The following MCM10 variants were observed in gnomAD, a reference collection of about 807,000 sequenced individuals.
MCM10 encodes minichromosome maintenance 10 replication initiation factor, also known as protein MCM10 homolog.
A neutral mutation model predicts 109.9 loss-of-function variants in MCM10; 91 were observed. The ratio of observed to expected loss-of-function variants is 0.83; its 90% CI spans 0.70 to 0.99. The LOEUF is 0.99. MCM10 is among the 50% of genes least tolerant of loss of function. MCM10 has a pLI of 0.00. For missense variants in MCM10, 1,077 were observed against 1,061.2 expected, an observed-to-expected ratio of 1.01 and a Z score of -0.21; for synonymous variants, 380 against 387.2, an observed-to-expected ratio of 0.98 and a Z score of 0.22.
At chr10:13,171,857 C>T (rs892731231) in intron 3 of MCM10, among the ~76,000 whole-genome samples, 5 of 152,016 alleles carry the variant, frequency 3.3e-5, no homozygotes, top group African/African-American at 9.7e-5. Flanking sequence ...CTCCACCTCC[C>T]AGGCTCAAGT....
intron 6 of MCM10, among the ~76,000 whole-genome samples, chr10:13,179,834 A>G (rs1834187132): frequency 6.6e-6 from 1 of 152,230 alleles, no homozygotes; most frequent in Non-Finnish European, 1.5e-5. Context: ...TAATAAAGTA[A>G]AAAAGATTGT....
chr10:13,203,393 G>C (rs1463106519), intron 17 of MCM10, among the ~76,000 whole-genome samples: 1 of 151,932 alleles, frequency 6.6e-6, no homozygotes, highest in Non-Finnish European at 1.5e-5. Flanking sequence ...GATTCCATTG[G>C]GCCCACCCAG....
intron 6 of MCM10, among the ~76,000 whole-genome samples, chr10:13,177,461 T>C (rs1437266356): frequency 1.3e-5 from 2 of 152,006 alleles, no homozygotes; most frequent in Non-Finnish European, 2.9e-5. Flanking sequence ...TGCTGCAGTA[T>C]TTCCTTTGAG....
intron 7 of MCM10, among the ~76,000 whole-genome samples, chr10:13,181,155 G>C (rs977310067): frequency 7.2e-5 from 11 of 152,266 alleles, no homozygotes; most frequent in Admixed American, 3.3e-4. Flanking sequence ...TCTAAGCCTT[G>C]TGCCTTTAAC....
chr10:13,172,434 A>G lies in MCM10; in HGVS notation c.408A>G (p.Thr136=). 1 of 1,614,202 alleles carries G rather than the reference A, an allele frequency of 6.2e-7. No homozygotes were observed. Among genetic ancestry groups the G allele is most frequent in the Non-Finnish European group, 8.5e-7 (1 of 1,180,034 alleles). The part of the protein sequence containing the change: ...MKALQEQLKV[T]TIKQTASPAR... Reference sequence around the variant, plus strand: ...CCTTACAAGAGCAGCTAAAAGTAACAACAATTAAACAGACAGCAAGCCCAG... The same window carrying G: ...CCTTACAAGAGCAGCTAAAAGTAACGACAATTAAACAGACAGCAAGCCCAG... The change falls in exon 4 of 20, where the codon ACA becomes ACG. Residue 136 remains threonine (T), a synonymous_variant. Coordinates refer to ENST00000378714, the MANE Select transcript of MCM10 (RefSeq NM_018518.5). The surrounding 1 kb of genome is among the most constrained non-coding windows in gnomAD (Gnocchi z 5.2).
chr10:13,175,552 A>T lies in MCM10; in HGVS notation c.635A>T (p.Gln212Leu). ...TCAAGGATGACAAGTGCACCCTCCCAACCCCTACAGACGATTTCTCGGAAC... is the reference window on the plus strand; with the variant it reads ...TCAAGGATGACAAGTGCACCCTCCCTACCCCTACAGACGATTTCTCGGAAC... ...SSSRMTSAPSQPLQTISRNKP... is the reference protein window; with the variant it reads ...SSSRMTSAPSLPLQTISRNKP... Residue 212 changes from glutamine (Q) to leucine (L), a missense_variant, in exon 6 of 20, where the codon CAA (glutamine) becomes CTA (leucine). Gln to Leu is a moderately radical substitution (Grantham distance 113, BLOSUM62 -2). Coordinates refer to ENST00000378714, the MANE Select transcript of MCM10 (RefSeq NM_018518.5). 6.2e-7 allele frequency: 1 copy of T among 1,614,110 alleles called. No homozygotes were observed. The highest frequency in any genetic ancestry group is 8.5e-7 in the Non-Finnish European group (1 of 1,179,974).
intron 6 of MCM10, among the ~76,000 whole-genome samples, chr10:13,179,680 A>G (rs1028372943): frequency 1.7e-4 from 26 of 152,216 alleles, no homozygotes; most frequent in Non-Finnish European, 3.4e-4. Context: ...GAATATATTA[A>G]TTGAAGCTAC....
At chr10:13,183,133 T>C in intron 8 of MCM10, 33 bp downstream of exon 8, 2 of 1,602,444 alleles carry the variant, frequency 1.2e-6, no homozygotes, top group African/African-American at 1.3e-5. Flanking sequence ...TGATTGATGA[T>C]TGTCTTTACA....
Position 13,192,198 on chromosome 10 carries a change from T to C in MCM10, c.1517-57T>C, listed in dbSNP as rs1198468663. The C allele has an allele frequency of 1.7e-5, 19 of 1,147,702 alleles. 1 individual carries two copies. The highest frequency in any genetic ancestry group is 1.0e-4 in the South Asian group (8 of 76,660). The allele number at this position is 1,147,702 out of a possible 1,614,324, so 71.1% of individuals were successfully genotyped here. On this transcript the variant is annotated intron_variant, in intron 11 of 19. Transcript: ENST00000378714. The stretch of plus-strand genomic sequence containing the variant: ...GCAGAGTTTAGAAAGTGGTATGTCA[T>C]ATGACCTCAAACCATCTGAATGTGA...
At chr10:13,186,488 A>G (rs919945129) in intron 9 of MCM10, among the ~76,000 whole-genome samples, 4 of 152,210 alleles carry the variant, frequency 2.6e-5, no homozygotes, top group Non-Finnish European at 5.9e-5. Flanking sequence ...ACCTCTTAGG[A>G]AAGTGATCTT....
intron 6 of MCM10, among the ~76,000 whole-genome samples, chr10:13,179,290 T>C (rs540959533): frequency 1.3e-5 from 2 of 152,328 alleles, no homozygotes; most frequent in East Asian, 3.9e-4. Flanking sequence ...TTCCCAGATA[T>C]GCTCCAGAAT....
rs1221029453 is a variant in MCM10 at position 13,172,226 on chromosome 10, A to G, written c.350-150A>G. 1 of 647,482 alleles carries G rather than the reference A, an allele frequency of 1.5e-6. No individual in the cohort carries two copies. The allele number at this position is 647,482 out of a possible 1,614,324, so 40.1% of individuals were successfully genotyped here. A position where few individuals can be genotyped will look rare whatever the true frequency, so the allele number is the denominator to read the frequency against. On this transcript the variant is annotated intron_variant, in intron 3 of 19. Transcript: ENST00000378714. The surrounding 1 kb of genome is among the most constrained non-coding windows in gnomAD (Gnocchi z 5.2). Reference sequence around the variant, plus strand: ...TCTAAGAGACCTCTTTGAAGTACCAAAGTTAATCATGAGCTTTGGGTATGT... The same window carrying G: ...TCTAAGAGACCTCTTTGAAGTACCAGAGTTAATCATGAGCTTTGGGTATGT...
intron 9 of MCM10, among the ~76,000 whole-genome samples, chr10:13,188,166 C>T (rs1307227243): frequency 6.6e-6 from 1 of 151,906 alleles, no homozygotes; most frequent in Non-Finnish European, 1.5e-5. Flanking sequence ...CCATTGTCGC[C>T]GTAACTACTG....
At chr10:13,178,175 C>T (rs1165301229) in intron 6 of MCM10, among the ~76,000 whole-genome samples, 1 of 152,178 alleles carries the variant, frequency 6.6e-6, no homozygotes, top group Non-Finnish European at 1.5e-5. Context: ...CTCACTGCAA[C>T]CTCTGCCTCC....
At chr10:13,195,920 T>G (rs1399625248) in intron 14 of MCM10, among the ~76,000 whole-genome samples, 1 of 152,032 alleles carries the variant, frequency 6.6e-6, no homozygotes, top group Non-Finnish European at 1.5e-5. Flanking sequence ...TTTTTATTTG[T>G]TGAGACAGAC....
At chr10:13,188,339 T>A (rs889928153) in intron 9 of MCM10, among the ~76,000 whole-genome samples, 1 of 152,206 alleles carries the variant, frequency 6.6e-6, no homozygotes, top group African/African-American at 2.4e-5. Context: ...AATATACAGT[T>A]AATCATTTTA....
intron 17 of MCM10, 189 bp downstream of exon 17, chr10:13,201,723 G>A (rs1221188223): frequency 1.7e-6 from 1 of 577,128 alleles, no homozygotes; most frequent in Non-Finnish European, 3.1e-6. Flanking sequence ...GTGCTCTGCT[G>A]ATGGAGTGTT....
intron 11 of MCM10, among the ~76,000 whole-genome samples, 171 bp downstream of exon 11, chr10:13,191,570 GC>G (rs1425869835): frequency 1.3e-5 from 2 of 149,252 alleles, no homozygotes; most frequent in Non-Finnish European, 2.9e-5. Context: ...AAATAAGCAA[GC>G]AAGCAAGCAA....
intron 1 of MCM10, among the ~76,000 whole-genome samples, chr10:13,162,136 T>C (rs1833934850): frequency 6.6e-6 from 1 of 152,100 alleles, no homozygotes; most frequent in Admixed American, 6.6e-5. Context: ...GGAGCTTTCT[T>C]CGACAGAGCC....
Sources: allele counts gnomAD v4.1 joint callset (sites outside exome capture counted in the v4.1 genomes callset), GRCh38; gene constraint gnomAD v4.1.1; non-coding constraint Gnocchi (gnomAD v3.1); transcripts MANE v1.5; gene names NCBI Gene and HGNC (gene_info 2026-07-23, HGNC 2026-07-21).